Variants in COL4A2 observed in about 807,000 individuals in gnomAD.
The protein encoded by COL4A2 is collagen type IV alpha 2 chain, also known as collagen alpha-2(IV) chain.
In COL4A2, 99 loss-of-function variants were observed where a neutral mutation model predicts 200.2. That is an observed-to-expected ratio of 0.49 (90% CI 0.42 to 0.58). The LOEUF is 0.58. Among genes scored for constraint, COL4A2 ranks in the 20% least tolerant of loss-of-function variants. The pLI, the probability that COL4A2 is intolerant of heterozygous loss-of-function variation, is 0.00. For missense variants in COL4A2, 1,950 were observed against 2,314.1 expected, an observed-to-expected ratio of 0.84 and a Z score of 3.23; for synonymous variants, 897 against 900.6, an observed-to-expected ratio of 1.00 and a Z score of 0.07.
chr13:110,314,828 A>G (rs1448093804), intron 3 of COL4A2, among the ~76,000 whole-genome samples: 2 of 152,166 alleles, frequency 1.3e-5, no homozygotes, highest in Non-Finnish European at 2.9e-5. Context: ...AGGAAACCCC[A>G]TGGGCCACAG....
chr13:110,408,975 TACAC>T (rs68187540), intron 4 of COL4A2, among the ~76,000 whole-genome samples: 2 of 4,850 alleles, frequency 4.1e-4, no homozygotes, highest in African/African-American at 6.9e-4. Context: ...AACGCACATA[TACAC>T]ACACATGCAC....
intron 3 of COL4A2, among the ~76,000 whole-genome samples, chr13:110,327,671 G>C (rs1875691085): frequency 6.6e-6 from 1 of 152,174 alleles, no homozygotes; most frequent in African/African-American, 2.4e-5. Flanking sequence ...TTTTAGGAGA[G>C]GAATTCATTC....
chr13:110,443,302 G>T (rs1221396960), intron 16 of COL4A2, among the ~76,000 whole-genome samples: 1 of 152,174 alleles, frequency 6.6e-6, no homozygotes, highest in African/African-American at 2.4e-5. Context: ...GGCAAATGAA[G>T]AACAGAAAGA....
chr13:110,507,681 G>A lies in COL4A2; in HGVS notation c.4595-254G>A, dbSNP rs546003095. 1,041 of 573,244 alleles carry A rather than the reference G, an allele frequency of 1.8e-3. 8 individuals carry two copies. The highest frequency in any genetic ancestry group is 0.01 in the Middle Eastern group (22 of 2,156). 35.5% of individuals were successfully genotyped at this position (573,244 alleles called of 1,614,324 possible). A position where few individuals can be genotyped will look rare whatever the true frequency, so the allele number is the denominator to read the frequency against. On this transcript the variant is annotated intron_variant, in intron 46 of 47. Transcript: ENST00000360467. Reference sequence around the variant, plus strand: ...TATTCCATGAAGACGCCACTCCCTGGTGATCCAACTTGGCCCAGTATGTGT... The same window carrying A: ...TATTCCATGAAGACGCCACTCCCTGATGATCCAACTTGGCCCAGTATGTGT...
At chr13:110,417,793 A>G (rs1477267408) in intron 4 of COL4A2, among the ~76,000 whole-genome samples, 1 of 152,002 alleles carries the variant, frequency 6.6e-6, no homozygotes, top group Non-Finnish European at 1.5e-5. Context: ...CACATCGGGC[A>G]TTTTGTTCAT....
intron 4 of COL4A2, among the ~76,000 whole-genome samples, chr13:110,393,600 C>A (rs1879073050): frequency 6.6e-6 from 1 of 151,374 alleles, no homozygotes; most frequent in South Asian, 2.1e-4. Context: ...AAAAAAAGGC[C>A]AGGCCCGGTG....
chr13:110,493,079 ATGGGTGAAATAACGATGAGTGACACCC>A, intron 38 of COL4A2, 105 bp from the exon 39 acceptor site: 43 of 860,490 alleles, frequency 5.0e-5, no homozygotes, highest in South Asian at 1.1e-4. Flanking sequence ...TGACACCCCC[ATGGGTGAAATAACGATGAGTGACACCC>A]CCATGGGTGA....
In COL4A2 at chr13:110,433,586, C is replaced by G. The variant is rs1880763986; in HGVS notation, c.685-815C>G. ...CTTTGTTTTTATTTTCAGAAAATAT[C>G]TGGACATTGGAGGGGGCGGACGGTA... On this transcript the variant is annotated intron_variant, in intron 11 of 47. Coordinates refer to ENST00000360467, the MANE Select transcript of COL4A2 (RefSeq NM_001846.4). 3.3e-5 allele frequency among the ~76,000 whole-genome samples: 5 copies of G among 152,290 alleles called. No homozygotes were observed. The South Asian group carries it at 1.0e-3, about 32-fold the overall frequency.
intron 10 of COL4A2, chr13:110,430,911 T>C: frequency 1.7e-6 from 1 of 587,034 alleles, no homozygotes; most frequent in Non-Finnish European, 3.3e-6. Context: ...AGACAGCCCA[T>C]CATCCCTGGG....
Position 110,307,614 on chromosome 13 carries a change from T to C in COL4A2, c.-45+86T>C. On this transcript the variant is annotated intron_variant, in intron 1 of 47. Transcript: ENST00000360467. This position sits in a 1 kb window ranked among gnomAD's most constrained non-coding sequence, Gnocchi z 5.0. ...TTGTGCAGGCTAGGGCTGCACGCTC[T>C]CCTGCTTGGGAGTAGAAAGGGGGAG... 1.9e-6 allele frequency: 1 copy of C among 531,154 alleles called. No individual in the cohort carries two copies. 32.9% of individuals were successfully genotyped at this position (531,154 alleles called of 1,614,324 possible).
At chr13:110,457,766 G>C (rs563270636) in intron 21 of COL4A2, 1 of 495,602 alleles carries the variant, frequency 2.0e-6, no homozygotes, top group African/African-American at 1.9e-5. Flanking sequence ...CACTCAGGTA[G>C]TGTCTCAAGG....
At chr13:110,371,286 C>A (rs1323542496) in intron 4 of COL4A2, among the ~76,000 whole-genome samples, 1 of 152,194 alleles carries the variant, frequency 6.6e-6, no homozygotes, top group Non-Finnish European at 1.5e-5. Flanking sequence ...ACTTATGATA[C>A]AACAAAGAAG....
intron 42 of COL4A2, 46 bp from the exon 43 acceptor site, chr13:110,503,337 C>T: frequency 1.3e-6 from 2 of 1,588,368 alleles, no homozygotes; most frequent in South Asian, 1.1e-5. Flanking sequence ...AGAGGAGCCC[C>T]CTCCCCACAG....
chr13:110,478,248 C>G lies in COL4A2; in HGVS notation c.2587+84C>G, dbSNP rs538139019. Reference sequence around the variant, plus strand: ...GAGCACTGTCTTCTTGTGGAGCTCTCAAAGTCTGTTCCATGGAACCCCTTA... The same window carrying G: ...GAGCACTGTCTTCTTGTGGAGCTCTGAAAGTCTGTTCCATGGAACCCCTTA... On this transcript the variant is annotated intron_variant, in intron 30 of 47. Transcript: ENST00000360467. The G allele has an allele frequency of 1.6e-4, 223 of 1,366,742 alleles. No homozygotes were observed. The African/African-American group carries it at 3.0e-3, about 19-fold the overall frequency. 84.7% of individuals were successfully genotyped at this position (1,366,742 alleles called of 1,614,324 possible). A position where few individuals can be genotyped will look rare whatever the true frequency, so the allele number is the denominator to read the frequency against.
intron 4 of COL4A2, among the ~76,000 whole-genome samples, chr13:110,381,085 TG>T (rs1878469289): frequency 1.1e-5 from 1 of 87,032 alleles, no homozygotes; most frequent in African/African-American, 4.5e-5. Context: ...CTCACACCCA[TG>T]GGTCTCTATC....
chr13:110,490,854 G>A (rs1883262624), intron 36 of COL4A2, among the ~76,000 whole-genome samples: 1 of 152,164 alleles, frequency 6.6e-6, no homozygotes, highest in South Asian at 2.1e-4. Flanking sequence ...GAACATTTTG[G>A]TTTTTGTTAA....
At chr13:110,493,337 C>T in intron 39 of COL4A2, 55 bp downstream of exon 39, 2 of 1,575,770 alleles carry the variant, frequency 1.3e-6, no homozygotes, top group Non-Finnish European at 1.7e-6. Context: ...AGGGTGGGGA[C>T]TCTGTGCTGA....
At chr13:110,373,127 C>G (rs2139403439) in intron 4 of COL4A2, among the ~76,000 whole-genome samples, 1 of 152,334 alleles carries the variant, frequency 6.6e-6, no homozygotes, top group South Asian at 2.1e-4. Flanking sequence ...TCTGCCAGCA[C>G]TATGAATCAT....
chr13:110,478,060 C>G lies in COL4A2; in HGVS notation c.2483C>G (p.Pro828Arg). 6.2e-7 allele frequency: 1 copy of G among 1,605,774 alleles called. No individual in the cohort carries two copies. The highest frequency in any genetic ancestry group is 8.5e-7 in the Non-Finnish European group (1 of 1,174,742). ...AAGGGCCAGCCAGGCCTCCCAGGAC[C>G]TTCCGGCCAGCCAGGCCTGTATGGG... ...GLKGQPGLPG[P>R]SGQPGLYGPP... is the part of the protein sequence containing the mutation. Residue 828 changes from proline (P) to arginine (R), a missense_variant, in exon 30 of 48, where the codon CCT becomes CGT. By Grantham distance (103) the Pro-to-Arg change is moderately radical. Coordinates refer to ENST00000360467, the MANE Select transcript of COL4A2 (RefSeq NM_001846.4).
Sources: gnomAD v4.1 joint callset for allele counts (sites outside exome capture counted in the v4.1 genomes callset) on GRCh38, gnomAD v4.1.1 for gene constraint, Gnocchi (gnomAD v3.1) non-coding constraint, MANE v1.5 for transcripts, NCBI Gene and HGNC (gene_info 2026-07-23, HGNC 2026-07-21) for gene names.